C4BPA: variants seen among roughly 807,000 people sequenced by gnomAD.
C4BPA encodes C4b-binding protein alpha chain.
In C4BPA, 31 loss-of-function variants were observed where a neutral mutation model predicts 63.7. That is an observed-to-expected ratio of 0.49 (90% CI 0.37 to 0.66). The LOEUF is 0.66. Ranked by LOEUF, C4BPA falls within the 30% of genes least tolerant of loss-of-function variation. The probability of loss-of-function intolerance (pLI) is 0.00; values close to 1 mark genes in which losing one functional copy is unlikely to be tolerated. For synonymous variants in C4BPA, 259 were observed against 254.7 expected, an observed-to-expected ratio of 1.02 and a Z score of -0.16; for missense variants, 572 against 723.3, an observed-to-expected ratio of 0.79 and a Z score of 2.40.
chr1:207,110,093 C>G (rs920481471), intron 1 of C4BPA, among the ~76,000 whole-genome samples: 2 of 152,198 alleles, frequency 1.3e-5, no homozygotes, highest in African/African-American at 4.8e-5. Flanking sequence ...CATACTCTGT[C>G]ATTTCAAGGA....
chr1:207,113,258 C>T (rs1198028181), intron 2 of C4BPA, 91 bp downstream of exon 2: 2 of 1,393,050 alleles, frequency 1.4e-6, no homozygotes, highest in Non-Finnish European at 2.0e-6. Context: ...GATGACTGAG[C>T]TTCTAGCAGA....
At chr1:207,125,181 C>T (rs917489159) in intron 6 of C4BPA, among the ~76,000 whole-genome samples, 1 of 152,152 alleles carries the variant, frequency 6.6e-6, no homozygotes, top group African/African-American at 2.4e-5. Flanking sequence ...GTGCAAAATG[C>T]CTGGAGTTAG....
rs1456305625 is a variant in C4BPA, at chr1:207,119,595, A to G, written c.428+4080A>G. On this transcript the variant is annotated intron_variant, in intron 4 of 11. Coordinates refer to ENST00000367070, the MANE Select transcript of C4BPA (RefSeq NM_000715.4). ...AACTATCCCTCATACACCCAAAAAC[A>G]TGGAAATTCTTTTCCTAAAAGAGAA... is the stretch of plus-strand genomic sequence containing the variant. Among the ~76,000 whole-genome samples, 3 of 92,676 alleles carry G rather than the reference A, an allele frequency of 3.2e-5. 1 individual carries two copies. The highest frequency in any genetic ancestry group is 8.0e-5 in the Non-Finnish European group (3 of 37,378). The allele number at this position is 92,676 out of a possible 152,430, so 60.8% of individuals were successfully genotyped here.
intron 2 of C4BPA, among the ~76,000 whole-genome samples, chr1:207,113,718 C>T (rs1409775649): frequency 6.6e-6 from 1 of 152,198 alleles, no homozygotes; most frequent in East Asian, 1.9e-4. Flanking sequence ...TAATATGTTT[C>T]TGTTGAGGCA....
chr1:207,106,529 T>TCTGCTCACTGCAAGCTCCGTCG (rs1335708695), intron 1 of C4BPA, among the ~76,000 whole-genome samples: 2 of 126,986 alleles, frequency 1.6e-5, no homozygotes, highest in African/African-American at 6.6e-5. Flanking sequence ...AAGCTCCGTC[T>TCTGCTCACTGCAAGCTCCGTCG]CCCGGGTTCA....
At chr1:207,104,472 G>A (rs1178554139) in intron 1 of C4BPA, 42 bp downstream of exon 1, 2 of 152,274 alleles carry the variant, frequency 1.3e-5, no homozygotes, top group African/African-American at 4.8e-5. Context: ...TGGAGGAAAG[G>A]CTGGTGGTTT....
Position 207,124,245 on chromosome 1 carries a change from C to T in C4BPA, c.585C>T (p.Tyr195=), listed in dbSNP as rs765449419. The T allele has an allele frequency of 2.4e-5, 38 of 1,613,864 alleles. 1 individual carries two copies. In the Middle Eastern group the frequency reaches 5.0e-4, roughly 21 times the overall value. Residue 195 remains tyrosine (Y), a synonymous_variant, in exon 6 of 12, where the codon TAC becomes TAT. Coordinates refer to ENST00000367070, the MANE Select transcript of C4BPA (RefSeq NM_000715.4). ...RHSGEENFYA[Y]GFSVTYSCDP... is the part of the protein sequence containing the mutation. ...GCGGTGAAGAAAATTTCTACGCATACGGCTTTTCTGTCACCTACAGCTGTG... is the reference window on the plus strand; with the variant it reads ...GCGGTGAAGAAAATTTCTACGCATATGGCTTTTCTGTCACCTACAGCTGTG...
chr1:207,109,670 T>A (rs773959281), intron 1 of C4BPA, among the ~76,000 whole-genome samples: 1 of 152,050 alleles, frequency 6.6e-6, no homozygotes, highest in Non-Finnish European at 1.5e-5. Context: ...GTAAAGGGAG[T>A]GAAATAACTT....
intron 7 of C4BPA, among the ~76,000 whole-genome samples, chr1:207,130,709 TG>T (rs1685140775): frequency 6.6e-6 from 1 of 152,086 alleles, no homozygotes; most frequent in Non-Finnish European, 1.5e-5. Flanking sequence ...AAAAAGTACA[TG>T]TATTGTGTGA....
In C4BPA at chr1:207,105,739, G is replaced by C. The variant is rs367911868; in HGVS notation, c.-26+1309G>C. The stretch of plus-strand genomic sequence containing the variant: ...ACAAGGTATCTGCATTTTAAAAGGG[G>C]GAAGTTAGACAAAATAAATATTAAC... On this transcript the variant is annotated intron_variant, in intron 1 of 11. Transcript: ENST00000367070. Among the ~76,000 whole-genome samples the C allele has an allele frequency of 1.1e-4, 17 of 152,068 alleles. 1 individual carries two copies. The highest frequency in any genetic ancestry group is 3.6e-4 in the African/African-American group (15 of 41,496).
intron 4 of C4BPA, among the ~76,000 whole-genome samples, chr1:207,118,693 T>G (rs1282639589): frequency 6.6e-6 from 1 of 152,232 alleles, no homozygotes; most frequent in African/African-American, 2.4e-5. Context: ...CATGTCATAT[T>G]ATTTGTAAAA....
chr1:207,121,929 CAT>C (rs1684929462), intron 4 of C4BPA, among the ~76,000 whole-genome samples: 1 of 152,096 alleles, frequency 6.6e-6, no homozygotes, highest in South Asian at 2.1e-4. Flanking sequence ...GTGAAATATT[CAT>C]ATGTGTCTAT....
In C4BPA at chr1:207,144,644, T is replaced by C; in HGVS notation, c.1721T>C (p.Leu574Pro). ...AAAATGGCCCTGGAGGTATATAAGC[T>C]GTCTCTGGAAATTGAACAACTGGAA... is the stretch of plus-strand genomic sequence containing the variant. ...DVKMALEVYKLSLEIEQLELQ... is the reference protein window; with the variant it reads ...DVKMALEVYKPSLEIEQLELQ... Residue 574 changes from leucine (L) to proline (P), a missense_variant, in exon 12 of 12, where the codon CTG (leucine) becomes CCG (proline). Physicochemically the swap from Leu to Pro is moderately conservative, Grantham distance 98. Around this residue, in one of 2 missense-constraint regions of C4BPA, gnomAD observed 465 missense variants for 629.4 expected, o/e 0.74. Coordinates refer to ENST00000367070, the MANE Select transcript of C4BPA (RefSeq NM_000715.4). The C allele has an allele frequency of 6.2e-7, 1 of 1,613,656 alleles. No individual in the cohort carries two copies. Among genetic ancestry groups the C allele is most frequent in the Non-Finnish European group, 8.5e-7 (1 of 1,179,768 alleles).
chr1:207,121,268 T>G (rs1056724589), intron 4 of C4BPA, among the ~76,000 whole-genome samples: 3 of 152,166 alleles, frequency 2.0e-5, no homozygotes, highest in Non-Finnish European at 4.4e-5. Flanking sequence ...TTATTTTTCT[T>G]GTCTCATATA....
At chr1:207,134,274 G>T (rs774953866) in intron 8 of C4BPA, 130 bp from the exon 9 acceptor site, 15 of 679,704 alleles carry the variant, frequency 2.2e-5, no homozygotes, top group Non-Finnish European at 3.8e-5. Flanking sequence ...GAGTGTCTTG[G>T]GTCTCCCTTT....
chr1:207,118,228 T>TATCTATC (rs1347024519), intron 4 of C4BPA, among the ~76,000 whole-genome samples: 3 of 151,472 alleles, frequency 2.0e-5, no homozygotes, highest in Admixed American at 6.6e-5. Context: ...TCTATCTATC[T>TATCTATC]ATCTATCTAT....
chr1:207,125,442 A>G (rs1008939857), intron 6 of C4BPA, among the ~76,000 whole-genome samples: 4 of 152,208 alleles, frequency 2.6e-5, no homozygotes, highest in Non-Finnish European at 1.5e-5. Context: ...CTCCAAACTC[A>G]TGATAAAACC....
chr1:207,118,499 T>G (rs891750690), intron 4 of C4BPA, among the ~76,000 whole-genome samples: 4 of 151,912 alleles, frequency 2.6e-5, no homozygotes, highest in Admixed American at 6.6e-5. Flanking sequence ...AAGTGTTGAG[T>G]AAAGGGGGAA....
At chr1:207,117,342 G>A (rs1369763909) in intron 4 of C4BPA, among the ~76,000 whole-genome samples, 2 of 152,098 alleles carry the variant, frequency 1.3e-5, no homozygotes, top group African/African-American at 4.8e-5. Flanking sequence ...TCCCAGCTAT[G>A]CAACAGGCTG....
Sources: gnomAD v4.1 joint callset for allele counts (sites outside exome capture counted in the v4.1 genomes callset) on GRCh38, gnomAD v4.1.1 for gene constraint, gnomAD v4.1.1 regional missense constraint, MANE v1.5 for transcripts, NCBI Gene and HGNC (gene_info 2026-07-23, HGNC 2026-07-21) for gene names.